Variants in DOCK3 observed in about 807,000 individuals in gnomAD.
DOCK3 encodes dedicator of cytokinesis 3, also known as dedicator of cytokinesis protein 3.
A neutral mutation model predicts 265.6 loss-of-function variants in DOCK3; 60 were observed. That is an observed-to-expected ratio of 0.23 (90% CI 0.18 to 0.28). The LOEUF (loss-of-function observed/expected upper bound fraction) is 0.28, where lower values mean the gene tolerates loss of function less well. Among genes scored for constraint, DOCK3 ranks in the 10% least tolerant of loss-of-function variants. The pLI is 1.00. For synonymous variants in DOCK3, 881 were observed against 938.0 expected (o/e 0.94, Z 1.11); for missense variants, 1,981 against 2,594.3 (o/e 0.76, Z 5.14).
intron 5 of DOCK3, among the ~76,000 whole-genome samples, chr3:50,969,153 G>T (rs1302868622): frequency 6.6e-6 from 1 of 152,198 alleles, no homozygotes; most frequent in South Asian, 2.1e-4. Flanking sequence ...AAATCAAGGT[G>T]CTCTGGTTTT....
chr3:50,944,769 G>A (rs1359669045), intron 5 of DOCK3, among the ~76,000 whole-genome samples: 1 of 152,130 alleles, frequency 6.6e-6, no homozygotes, highest in Non-Finnish European at 1.5e-5. Flanking sequence ...GACCAGCCTG[G>A]CCAAGATGGC....
chr3:50,782,916 A>T (rs1475154155), intron 2 of DOCK3, among the ~76,000 whole-genome samples: 1 of 149,780 alleles, frequency 6.7e-6, no homozygotes, highest in East Asian at 2.0e-4. Context: ...GAGTTACTTC[A>T]CTTAGAATAA....
intron 9 of DOCK3, among the ~76,000 whole-genome samples, chr3:51,135,650 C>T (rs911483835): frequency 7.2e-5 from 11 of 152,130 alleles, no homozygotes; most frequent in African/African-American, 2.2e-4. Flanking sequence ...ATTCTTCACA[C>T]GTAAATAATC....
At chr3:50,825,569 A>G (rs2044711222) in intron 2 of DOCK3, among the ~76,000 whole-genome samples, 1 of 152,156 alleles carries the variant, frequency 6.6e-6, no homozygotes, top group Non-Finnish European at 1.5e-5. Context: ...GGGAGATTTC[A>G]TGCACAGTTG....
At chr3:51,292,388 G>C (rs931189725) in intron 27 of DOCK3, among the ~76,000 whole-genome samples, 15 of 152,238 alleles carry the variant, frequency 9.9e-5, no homozygotes, top group African/African-American at 3.6e-4. Context: ...AAACCTGTTA[G>C]AACTGAAAAA....
At chr3:51,029,915 C>T (rs1040318923) in intron 5 of DOCK3, among the ~76,000 whole-genome samples, 5 of 151,912 alleles carry the variant, frequency 3.3e-5, no homozygotes, top group Non-Finnish European at 5.9e-5. Context: ...CCACCTGGTT[C>T]TCTGTTCCTG....
intron 38 of DOCK3, among the ~76,000 whole-genome samples, chr3:51,342,587 G>T (rs2085312782): frequency 6.6e-6 from 1 of 152,238 alleles, no homozygotes; most frequent in South Asian, 2.1e-4. Context: ...ACGCATGTGT[G>T]CTTCTAGTGC....
intron 27 of DOCK3, among the ~76,000 whole-genome samples, chr3:51,301,013 G>T (rs1006513475): frequency 6.6e-6 from 1 of 152,188 alleles, no homozygotes; most frequent in Admixed American, 6.5e-5. Flanking sequence ...GTAGAATTCA[G>T]CTGTGAATCC....
chr3:50,778,905 A>G (rs777544620), intron 2 of DOCK3, 147 bp downstream of exon 2: 1 of 550,232 alleles, frequency 1.8e-6, no homozygotes, highest in African/African-American at 1.9e-5. Context: ...ATTCTTCCTG[A>G]TCTGTGTTCA....
At chr3:50,930,528 TCA>T (rs2051003676) in intron 4 of DOCK3, among the ~76,000 whole-genome samples, 1 of 152,120 alleles carries the variant, frequency 6.6e-6, no homozygotes, top group African/African-American at 2.4e-5. Flanking sequence ...CTGCACTCCC[TCA>T]CAGCCTGGGC....
At chr3:50,906,327 T>C (rs1246957414) in intron 4 of DOCK3, among the ~76,000 whole-genome samples, 2 of 151,996 alleles carry the variant, frequency 1.3e-5, no homozygotes, top group African/African-American at 2.4e-5. Flanking sequence ...GGAATAGTTT[T>C]AGAAGGAATG....
At chr3:51,086,796 C>A (rs556276683) in intron 7 of DOCK3, among the ~76,000 whole-genome samples, 1 of 152,044 alleles carries the variant, frequency 6.6e-6, no homozygotes, top group African/African-American at 2.4e-5. Flanking sequence ...AGACTCATCC[C>A]AAAAACAAAA....
chr3:50,815,033 C>T (rs2043995945), intron 2 of DOCK3, among the ~76,000 whole-genome samples: 1 of 151,976 alleles, frequency 6.6e-6, no homozygotes, highest in African/African-American at 2.4e-5. Context: ...CCATGTTGGC[C>T]AGGATGGTCT....
rs9813584 is a variant in DOCK3 at position 51,237,930 on chromosome 3, T to C, written c.2102+340T>C. On this transcript the variant is annotated intron_variant, in intron 21 of 52. Coordinates refer to ENST00000266037, the MANE Select transcript of DOCK3 (RefSeq NM_004947.5). ...CTATCCCCTGGCACCCACCATTCTATTCTACTTTCTGTCTCTATGAATTTG... is the reference window on the plus strand; with the variant it reads ...CTATCCCCTGGCACCCACCATTCTACTCTACTTTCTGTCTCTATGAATTTG... Among the ~76,000 whole-genome samples, 449 of 151,952 alleles carry C rather than the reference T, an allele frequency of 3.0e-3. 2 individuals carry two copies. The highest frequency in any genetic ancestry group is 0.01 in the African/African-American group (428 of 41,438).
chr3:51,010,098 A>AT (rs1229632351), intron 5 of DOCK3, among the ~76,000 whole-genome samples: 1 of 152,152 alleles, frequency 6.6e-6, no homozygotes, highest in Non-Finnish European at 1.5e-5. Flanking sequence ...TATTCTGTTG[A>AT]TTTGGTGTGG....
At position 51,338,900 on chromosome 3, in the gene DOCK3, G is replaced by A. The variant is rs1210345056; in HGVS notation, c.3673-35G>A. The A allele has an allele frequency of 2.6e-6, 4 of 1,543,666 alleles. No homozygotes were observed. In the South Asian group the frequency reaches 3.5e-5, roughly 14 times the overall value. ...CCAGAGCTTGGCTATGGCTTCCACA[G>A]GTAGTTGACAGGTGTTTCCTTCTCT... is the stretch of plus-strand genomic sequence containing the variant. On this transcript the variant is annotated intron_variant, in intron 36 of 52. Coordinates refer to ENST00000266037, the MANE Select transcript of DOCK3 (RefSeq NM_004947.5).
At chr3:51,067,499 C>T (rs1238292780) in intron 6 of DOCK3, among the ~76,000 whole-genome samples, 2 of 147,240 alleles carry the variant, frequency 1.4e-5, no homozygotes, top group African/African-American at 5.0e-5. Context: ...TCTTAATAAG[C>T]AAAAATGAAA....
chr3:51,111,707 T>A (rs2083526806), intron 9 of DOCK3, among the ~76,000 whole-genome samples: 1 of 151,990 alleles, frequency 6.6e-6, no homozygotes, highest in Non-Finnish European at 1.5e-5. Flanking sequence ...AAAGCAAAAA[T>A]TGACAAATGG....
intron 12 of DOCK3, among the ~76,000 whole-genome samples, chr3:51,178,016 A>T (rs920374756): frequency 2.7e-5 from 3 of 111,758 alleles, no homozygotes; most frequent in African/African-American, 1.2e-4. Flanking sequence ...AACAAAAAAA[A>T]ACTCAAAATA....
Sources: gnomAD v4.1 joint callset for allele counts (sites outside exome capture counted in the v4.1 genomes callset) on GRCh38, gnomAD v4.1.1 for gene constraint, MANE v1.5 for transcripts, NCBI Gene and HGNC (gene_info 2026-07-23, HGNC 2026-07-21) for gene names.